The following MAN1A2 variants were observed in gnomAD, a reference collection of about 807,000 sequenced individuals.
MAN1A2 encodes mannosyl-oligosaccharide 1,2-alpha-mannosidase IB.
In MAN1A2, 26 loss-of-function variants were observed where a neutral mutation model predicts 75.7. The observed-to-expected ratio is 0.34, with a 90% CI of 0.25 to 0.48. MAN1A2 has a LOEUF of 0.48. Among genes scored for constraint, MAN1A2 ranks in the 20% least tolerant of loss-of-function variants. MAN1A2 has a pLI of 0.99. For synonymous variants in MAN1A2, 247 were observed against 264.6 expected (o/e 0.93, Z 0.65); for missense variants, 562 against 775.5 (o/e 0.72, Z 3.27).
intron 12 of MAN1A2, among the ~76,000 whole-genome samples, chr1:117,518,485 G>A (rs1024589742): frequency 5.3e-5 from 8 of 151,626 alleles, no homozygotes; most frequent in South Asian, 2.1e-4. Flanking sequence ...AAATATTAGC[G>A]AAAGAAAGTG....
chr1:117,400,552 C>T (rs961711235), intron 1 of MAN1A2, among the ~76,000 whole-genome samples: 2 of 150,606 alleles, frequency 1.3e-5, no homozygotes, highest in Admixed American at 6.6e-5. Context: ...CTAATCTATT[C>T]ACCATCCCTC....
In MAN1A2 at chr1:117,402,228, T is replaced by C. The variant is rs747954999; in HGVS notation, c.345T>C (p.His115=). 6.2e-7 allele frequency: 1 copy of C among 1,613,326 alleles called. No individual in the cohort carries two copies. Among genetic ancestry groups the C allele is most frequent in the Non-Finnish European group, 8.5e-7 (1 of 1,179,632 alleles). The part of the protein sequence containing the change: ...ERLRNKIRAD[H]EKALEEAKEK... ...TGAGAAATAAAATTCGAGCTGATCA[T>C]GAGAAGGCCTTGGAAGAAGCAAAAG... Residue 115 remains histidine (H), a synonymous_variant, in exon 2 of 13, where the codon CAT becomes CAC. Transcript: ENST00000356554.
chr1:117,471,039 CTT>C (rs138176979), intron 8 of MAN1A2, among the ~76,000 whole-genome samples: 1 of 147,974 alleles, frequency 6.8e-6, no homozygotes, highest in African/African-American at 2.5e-5. Context: ...TTTTCTAAAA[CTT>C]TTTTTTTTGC....
At chr1:117,522,765 C>T in intron 12 of MAN1A2, 60 bp from the exon 13 acceptor site, 2 of 1,476,326 alleles carry the variant, frequency 1.4e-6, no homozygotes, top group East Asian at 2.3e-5. Context: ...TAAAAGTGAG[C>T]TCACTTCATG....
chr1:117,470,620 T>G (rs571360217), intron 8 of MAN1A2, among the ~76,000 whole-genome samples: 52 of 152,168 alleles, frequency 3.4e-4, no homozygotes, highest in Middle Eastern at 3.4e-3. Flanking sequence ...GAAAGAGCTA[T>G]TCACTGGTTA....
chr1:117,391,681 T>C (rs559255430), intron 1 of MAN1A2, among the ~76,000 whole-genome samples: 31 of 152,358 alleles, frequency 2.0e-4, no homozygotes, highest in Middle Eastern at 3.4e-3. Flanking sequence ...CATAGGATGA[T>C]GATTTCCAAA....
intron 8 of MAN1A2, among the ~76,000 whole-genome samples, chr1:117,475,128 A>G (rs932451290): frequency 4.0e-5 from 6 of 151,884 alleles, no homozygotes; most frequent in Non-Finnish European, 8.8e-5. Context: ...TAAAGCTGCT[A>G]TGAACACTGA....
Position 117,493,224 on chromosome 1 carries a change from G to C in MAN1A2, c.1246G>C (p.Asp416His). 2 of 1,612,114 alleles carry C rather than the reference G, an allele frequency of 1.2e-6. No individual in the cohort carries two copies. The highest frequency in any genetic ancestry group is 1.7e-6 in the Non-Finnish European group (2 of 1,178,802). Residue 416 changes from aspartate to histidine, a missense_variant, in exon 9 of 13, where the codon GAC (aspartate) becomes CAC (histidine). Coordinates refer to ENST00000356554, the MANE Select transcript of MAN1A2 (RefSeq NM_006699.5). ...LKAWLMSDKT[D>H]HEARKMYDDA... is the part of the protein sequence containing the mutation. The stretch of plus-strand genomic sequence containing the variant: ...AGCATGGTTGATGTCAGATAAAACA[G>C]ACCATGAGGCAAGAAAGATGTATGA...
rs73020114 is a variant in MAN1A2, at chr1:117,503,839, G to T, written c.1793+869G>T. Among the ~76,000 whole-genome samples the T allele has an allele frequency of 7.5e-3, 1,143 of 151,496 alleles. 12 individuals carry two copies. Among genetic ancestry groups the T allele is most frequent in the African/African-American group, 0.027 (1,104 of 41,436 alleles). On this transcript the variant is annotated intron_variant, in intron 12 of 12. Coordinates refer to ENST00000356554, the MANE Select transcript of MAN1A2 (RefSeq NM_006699.5). ...TCATATATTACAATTAAAATGTACC[G>T]TTCTCAAACTAAGTTTCTAAATGTC...
intron 8 of MAN1A2, among the ~76,000 whole-genome samples, chr1:117,473,260 C>G (rs1472128318): frequency 4.6e-5 from 7 of 151,960 alleles, no homozygotes; most frequent in Admixed American, 3.9e-4. Context: ...TTCTTTATCT[C>G]ACACCCCACT....
intron 12 of MAN1A2, among the ~76,000 whole-genome samples, chr1:117,508,339 A>T (rs934980846): frequency 8.6e-5 from 13 of 151,770 alleles, no homozygotes; most frequent in Non-Finnish European, 1.0e-4. Context: ...TTGTTATTAA[A>T]GGAAAGAGAA....
intron 12 of MAN1A2, among the ~76,000 whole-genome samples, chr1:117,511,624 G>A (rs900529110): frequency 5.4e-4 from 82 of 152,122 alleles, no homozygotes; most frequent in African/African-American, 1.9e-3. Flanking sequence ...TAAATTTTTA[G>A]TCTGTTAGGC....
intron 3 of MAN1A2, among the ~76,000 whole-genome samples, chr1:117,414,268 T>C (rs901546402): frequency 2.6e-5 from 4 of 151,456 alleles, no homozygotes; most frequent in African/African-American, 7.2e-5. Context: ...GTCCTTTATA[T>C]GAATTTGGAC....
At chr1:117,442,346 T>C in intron 6 of MAN1A2, 21 bp downstream of exon 6, 1 of 1,473,668 alleles carries the variant, frequency 6.8e-7, no homozygotes, top group East Asian at 2.3e-5. Flanking sequence ...GTGGGTATTC[T>C]TATTCTGGAA....
At chr1:117,403,422 A>G (rs1034428327) in intron 2 of MAN1A2, among the ~76,000 whole-genome samples, 1 of 152,156 alleles carries the variant, frequency 6.6e-6, no homozygotes, top group South Asian at 2.1e-4. Context: ...AGAGACAGTG[A>G]TAGATTTTTT....
At chr1:117,393,097 CTA>C (rs1014800790) in intron 1 of MAN1A2, among the ~76,000 whole-genome samples, 158 of 152,258 alleles carry the variant, frequency 1.0e-3, no homozygotes, top group Non-Finnish European at 1.6e-4. Context: ...ACACTGGAAA[CTA>C]TGTGATTCTT....
intron 6 of MAN1A2, among the ~76,000 whole-genome samples, chr1:117,444,807 A>T (rs1649164758): frequency 6.6e-6 from 1 of 152,108 alleles, no homozygotes; most frequent in Non-Finnish European, 1.5e-5. Flanking sequence ...TTATAATAAT[A>T]TATGACTCAT....
intron 5 of MAN1A2, among the ~76,000 whole-genome samples, chr1:117,421,664 A>T (rs1570729718): frequency 1.3e-5 from 2 of 151,800 alleles, no homozygotes; most frequent in South Asian, 4.1e-4. Flanking sequence ...AGATGCTGGT[A>T]TTTAATATAT....
rs1421477304 is a variant in MAN1A2 at position 117,526,760 on chromosome 1, A to T, written c.*3803A>T. The T allele has an allele frequency of 6.7e-6, 1 of 149,810 alleles. No homozygotes were observed. Among genetic ancestry groups the T allele is most frequent in the Non-Finnish European group, 1.5e-5 (1 of 67,218 alleles). 9.3% of individuals were successfully genotyped at this position (149,810 alleles called of 1,614,324 possible). The stretch of plus-strand genomic sequence containing the variant: ...ATATACTAAAATATTCAAAGTTCCA[A>T]ATAACAGTTCCTAGTAATAGTATTT... On this transcript the variant is annotated 3_prime_UTR_variant, in exon 13 of 13. Coordinates refer to ENST00000356554, the MANE Select transcript of MAN1A2 (RefSeq NM_006699.5).
Sources: gnomAD v4.1 joint callset for allele counts (sites outside exome capture counted in the v4.1 genomes callset) on GRCh38, gnomAD v4.1.1 for gene constraint, MANE v1.5 for transcripts, NCBI Gene and HGNC (gene_info 2026-07-23, HGNC 2026-07-21) for gene names.